MEGF8: variants seen among roughly 807,000 people sequenced by gnomAD.
MEGF8 encodes the protein multiple epidermal growth factor-like domains protein 8.
A neutral mutation model predicts 302.9 loss-of-function variants in MEGF8; 156 were observed. The ratio of observed to expected loss-of-function variants is 0.52; its 90% CI spans 0.45 to 0.59. MEGF8 has a LOEUF of 0.59. Ranked by LOEUF, MEGF8 falls within the 20% of genes least tolerant of loss-of-function variation. The pLI, the probability that MEGF8 is intolerant of heterozygous loss-of-function variation, is 0.00. For synonymous variants in MEGF8, 1,621 were observed against 1,660.5 expected (o/e 0.98, Z 0.58); for missense variants, 3,345 against 3,964.5 (o/e 0.84, Z 4.20).
Position 42,351,675 on chromosome 19 carries a change from C to G in MEGF8, c.3015C>G (p.Ser1005Arg), listed in dbSNP as rs1212218205. ...DSVHSEPRCRSCDGFLTCHEC... is the reference protein window; with the variant it reads ...DSVHSEPRCRRCDGFLTCHEC... ...TACACTCGGAGCCACGGTGCCGGAG[C>G]TGCGATGGCTTCCTGACCTGCCATG... Residue 1005 changes from serine to arginine, a missense_variant, in exon 18 of 42, where the codon AGC becomes AGG. Physicochemically the swap from Ser to Arg is moderately radical, Grantham distance 110. Coordinates refer to ENST00000251268, the MANE Select transcript of MEGF8 (RefSeq NM_001271938.2). This position sits in a 1 kb window ranked among gnomAD's most constrained non-coding sequence, Gnocchi z 5.6. 6.3e-7 allele frequency: 1 copy of G among 1,590,182 alleles called. No homozygotes were observed. Among genetic ancestry groups the G allele is most frequent in the Admixed American group, 1.8e-5 (1 of 56,250 alleles).
chr19:42,374,311 A>T (rs977866631), intron 41 of MEGF8, among the ~76,000 whole-genome samples: 1 of 151,984 alleles, frequency 6.6e-6, no homozygotes, highest in African/African-American at 2.4e-5. Context: ...TCTCTACTAA[A>T]AATACAAAAA....
Position 42,343,302 on chromosome 19 carries a change from C to T in MEGF8, c.1514-175C>T, listed in dbSNP as rs78159841. Among the ~76,000 whole-genome samples, 3,107 of 152,152 alleles carry T rather than the reference C, an allele frequency of 0.02. 113 individuals are homozygous for T. The highest frequency in any genetic ancestry group is 0.069 in the African/African-American group (2,874 of 41,502). ...ATCAGAAAGATGATTTGGGTAGGGG[C>T]GAGGGAGCTCAGCTTGTTCAGGGCC... On this transcript the variant is annotated intron_variant, in intron 8 of 41. Transcript: ENST00000251268.
Position 42,336,091 on chromosome 19 carries a change from G to C in MEGF8, c.989G>C (p.Gly330Ala), listed in dbSNP as rs2039123824. 6.2e-7 allele frequency: 1 copy of C among 1,602,412 alleles called. No individual in the cohort carries two copies. Among genetic ancestry groups the C allele is most frequent in the Admixed American group, 1.7e-5 (1 of 59,392 alleles). Residue 330 changes from glycine to alanine, a missense_variant, in exon 6 of 42, where the codon GGG becomes GCG. Physicochemically the swap from Gly to Ala is moderately conservative, Grantham distance 60 (BLOSUM62 0). Coordinates refer to ENST00000251268, the MANE Select transcript of MEGF8 (RefSeq NM_001271938.2). The surrounding 1 kb of genome is among the most constrained non-coding windows in gnomAD (Gnocchi z 4.8). ...GCACCACCTGCCTCCAGCTCCTCGG[G>C]GCCCCCAGGCCTGGCAGGTCACGCG... ...LLAPPASSSSGPPGLAGHAAA... is the reference protein window; with the variant it reads ...LLAPPASSSSAPPGLAGHAAA...
chr19:42,346,902 G>A (rs1048832496), intron 12 of MEGF8, among the ~76,000 whole-genome samples: 4 of 148,786 alleles, frequency 2.7e-5, no homozygotes, highest in African/African-American at 5.0e-5. Context: ...GGAGAATGGC[G>A]TGAACCCGAG....
chr19:42,346,410 C>A (rs950647800), intron 12 of MEGF8, among the ~76,000 whole-genome samples: 1 of 151,852 alleles, frequency 6.6e-6, no homozygotes, highest in African/African-American at 2.4e-5. Context: ...GGCGTGATGT[C>A]GGGTGCCTGT....
At chr19:42,337,316 C>T in intron 8 of MEGF8, 110 bp downstream of exon 8, 1 of 1,465,578 alleles carries the variant, frequency 6.8e-7, no homozygotes. Flanking sequence ...ACATCCAGGC[C>T]AGTTGGTGCC....
At chr19:42,363,676 CCT>C (rs778116521) in intron 35 of MEGF8, among the ~76,000 whole-genome samples, 3 of 152,184 alleles carry the variant, frequency 2.0e-5, no homozygotes, top group Non-Finnish European at 4.4e-5. Context: ...CTGCTTCCCT[CCT>C]CTCTCTCTTT....
At chr19:42,326,524 G>A (rs2038986115) in intron 1 of MEGF8, 94 bp downstream of exon 1, 2 of 1,439,906 alleles carry the variant, frequency 1.4e-6, no homozygotes, top group Admixed American at 3.6e-5. Context: ...CTCGGTTCTG[G>A]TCCAGGCCTT....
intron 8 of MEGF8, among the ~76,000 whole-genome samples, chr19:42,340,993 T>C (rs1401805285): frequency 6.6e-6 from 1 of 151,984 alleles, no homozygotes; most frequent in African/African-American, 2.4e-5. Context: ...AGAGGCAGAG[T>C]CTTGTTCTGT....
chr19:42,366,633 T>C (rs1394760866), intron 35 of MEGF8, among the ~76,000 whole-genome samples: 1 of 152,222 alleles, frequency 6.6e-6, no homozygotes, highest in Non-Finnish European at 1.5e-5. Context: ...ACCTTCTTTC[T>C]GCTGGGTGCT....
chr19:42,363,863 G>A (rs559657723), intron 35 of MEGF8, among the ~76,000 whole-genome samples: 96 of 152,256 alleles, frequency 6.3e-4, no homozygotes, highest in African/African-American at 2.2e-3. Context: ...CTCCATTGTC[G>A]GGTTTCTGTC....
chr19:42,336,113 C>A lies in MEGF8; in HGVS notation c.1011C>A (p.His337Gln). ...CGGGGCCCCCAGGCCTGGCAGGTCA[C>A]GCGGCTGCCCTGGTGGATGATGTCT... Reference protein sequence around the residue: ...SSSGPPGLAGHAAALVDDVWL... With the variant: ...SSSGPPGLAGQAAALVDDVWL... The change falls in exon 6 of 42, where the codon CAC becomes CAA. Residue 337 changes from histidine (H) to glutamine (Q), a missense_variant. Transcript: ENST00000251268. This position sits in a 1 kb window ranked among gnomAD's most constrained non-coding sequence, Gnocchi z 4.8. 6.2e-7 allele frequency: 1 copy of A among 1,606,436 alleles called. No individual in the cohort carries two copies.
chr19:42,368,573 T>C lies in MEGF8; in HGVS notation c.6392T>C (p.Leu2131Pro). The C allele has an allele frequency of 1.9e-6, 3 of 1,587,734 alleles. No homozygotes were observed. The highest frequency in any genetic ancestry group is 2.6e-6 in the Non-Finnish European group (3 of 1,167,572). Reference sequence around the variant, plus strand: ...CAGGCAACTCAGTGCGCCTTGTGCCTGCGGCGCCCCCATTGCGGCTGGTGT... The same window carrying C: ...CAGGCAACTCAGTGCGCCTTGTGCCCGCGGCGCCCCCATTGCGGCTGGTGT... The part of the protein sequence containing the change: ...CAQATQCALC[L>P]RRPHCGWCAW... Residue 2131 changes from leucine to proline, a missense_variant, in exon 36 of 42, where the codon CTG (leucine) becomes CCG (proline). Transcript: ENST00000251268. The surrounding 1 kb of genome is among the most constrained non-coding windows in gnomAD (Gnocchi z 4.9).
chr19:42,326,082 C>A lies in MEGF8; in HGVS notation c.-162C>A. The A allele has an allele frequency of 8.3e-7, 1 of 1,202,550 alleles. No homozygotes were observed. Among genetic ancestry groups the A allele is most frequent in the Non-Finnish European group, 1.1e-6 (1 of 918,248 alleles). 74.5% of individuals were successfully genotyped at this position (1,202,550 alleles called of 1,614,324 possible). A position where few individuals can be genotyped will look rare whatever the true frequency, so the allele number is the denominator to read the frequency against. ...GCTTCCAGAGCCTGTCAGCAGTGGC[C>A]GTACCCTTCGCCGGGACTGCCGGGT... On this transcript the variant is annotated 5_prime_UTR_variant, in exon 1 of 42. Transcript: ENST00000251268.
chr19:42,329,575 C>G (rs1199342604), intron 1 of MEGF8, among the ~76,000 whole-genome samples: 1 of 152,118 alleles, frequency 6.6e-6, no homozygotes, highest in East Asian at 1.9e-4. Flanking sequence ...ATAAAATAAA[C>G]AACCAGCCAG....
chr19:42,344,158 C>CT lies in MEGF8; in HGVS notation c.1788+88dup. On this transcript the variant is annotated intron_variant, in intron 10 of 41. Transcript: ENST00000251268. This position sits in a 1 kb window ranked among gnomAD's most constrained non-coding sequence, Gnocchi z 4.5. Reference sequence around the variant, plus strand: ...CTCTGCCTAACCAGATGGACAAGAACTTTCCCTCAACTGGGAGACTTGTTT... The same window carrying CT: ...CTCTGCCTAACCAGATGGACAAGAACTTTTCCCTCAACTGGGAGACTTGTTT... 1 of 1,501,016 alleles carries CT rather than the reference C, an allele frequency of 6.7e-7. No homozygotes were observed. Among genetic ancestry groups the CT allele is most frequent in the Non-Finnish European group, 8.9e-7 (1 of 1,120,698 alleles). 93.0% of individuals were successfully genotyped at this position (1,501,016 alleles called of 1,614,324 possible). A position where few individuals can be genotyped will look rare whatever the true frequency, so the allele number is the denominator to read the frequency against.
At position 42,377,800 on chromosome 19, in the gene MEGF8, A is replaced by C. The variant is rs1173861367; in HGVS notation, c.*1025A>C. On this transcript the variant is annotated 3_prime_UTR_variant, in exon 42 of 42. Coordinates refer to ENST00000251268, the MANE Select transcript of MEGF8 (RefSeq NM_001271938.2). ...AGACTCCACCTCAAAAAAAAAAAAA[A>C]AATTTAAGAGGTCACTCAGTTGTGC... The C allele has an allele frequency of 6.6e-6, 1 of 152,144 alleles. No homozygotes were observed. Among genetic ancestry groups the C allele is most frequent in the African/African-American group, 2.4e-5 (1 of 41,384 alleles). The allele number at this position is 152,144 out of a possible 1,614,324, so 9.4% of individuals were successfully genotyped here. A position where few individuals can be genotyped will look rare whatever the true frequency, so the allele number is the denominator to read the frequency against.
At position 42,369,049 on chromosome 19, in the gene MEGF8, G is replaced by T; in HGVS notation, c.6641+47G>T. On this transcript the variant is annotated intron_variant, in intron 37 of 41. Coordinates refer to ENST00000251268, the MANE Select transcript of MEGF8 (RefSeq NM_001271938.2). This position sits in a 1 kb window ranked among gnomAD's most constrained non-coding sequence, Gnocchi z 5.7. ...GGGCCAGGCAGGCTAGGGTGGGAGAGTCTGTGGGGAGCAGTAATGGATGAG... is the reference window on the plus strand; with the variant it reads ...GGGCCAGGCAGGCTAGGGTGGGAGATTCTGTGGGGAGCAGTAATGGATGAG... 6.2e-7 allele frequency: 1 copy of T among 1,600,864 alleles called. No individual in the cohort carries two copies.
chr19:42,342,686 G>A (rs1356482996), intron 8 of MEGF8, among the ~76,000 whole-genome samples: 1 of 152,086 alleles, frequency 6.6e-6, no homozygotes, highest in Non-Finnish European at 1.5e-5. Flanking sequence ...AAACTGTAGG[G>A]GCTGTCTTCA....
Sources: allele counts gnomAD v4.1 joint callset (sites outside exome capture counted in the v4.1 genomes callset), GRCh38; gene constraint gnomAD v4.1.1; non-coding constraint Gnocchi (gnomAD v3.1); transcripts MANE v1.5; gene names NCBI Gene and HGNC (gene_info 2026-07-23, HGNC 2026-07-21).